ANO2: variants seen among roughly 807,000 people sequenced by gnomAD.
ANO2 encodes anoctamin-2.
Under a neutral mutation model 124.2 loss-of-function variants are expected in ANO2, and 101 were observed. The ratio of observed to expected loss-of-function variants is 0.81; its 90% CI spans 0.69 to 0.96. The LOEUF (loss-of-function observed/expected upper bound fraction) is 0.96. Ranked by LOEUF, ANO2 falls within the 40% of genes least tolerant of loss-of-function variation. The probability of loss-of-function intolerance (pLI) is 0.00; values close to 1 mark genes in which losing one functional copy is unlikely to be tolerated. For synonymous variants in ANO2, 486 were observed against 482.5 expected (o/e 1.01, Z -0.09); for missense variants, 1,293 against 1,274.5 (o/e 1.01, Z -0.22).
At chr12:5,673,993 T>A (rs1948123994) in intron 14 of ANO2, among the ~76,000 whole-genome samples, 1 of 152,206 alleles carries the variant, frequency 6.6e-6, no homozygotes, top group South Asian at 2.1e-4. Flanking sequence ...TCTGGTTCTC[T>A]GAGACCACCC....
At chr12:5,642,253 T>C (rs904410851) in intron 15 of ANO2, among the ~76,000 whole-genome samples, 1 of 152,176 alleles carries the variant, frequency 6.6e-6, no homozygotes, top group Non-Finnish European at 1.5e-5. Context: ...ATTTTCTCTA[T>C]CTACTCTCAT....
intron 1 of ANO2, among the ~76,000 whole-genome samples, chr12:5,940,363 T>C (rs1942847962): frequency 6.6e-6 from 1 of 152,226 alleles, no homozygotes; most frequent in East Asian, 1.9e-4. Context: ...ATTCTTAAAC[T>C]GGTATTATCA....
chr12:5,714,240 C>T (rs1949930740), intron 14 of ANO2, among the ~76,000 whole-genome samples: 1 of 152,214 alleles, frequency 6.6e-6, no homozygotes, highest in East Asian at 1.9e-4. Context: ...TCAATCTCTG[C>T]TTATGTGTCC....
intron 1 of ANO2, among the ~76,000 whole-genome samples, chr12:5,940,525 G>A (rs1942853157): frequency 6.6e-6 from 1 of 152,186 alleles, no homozygotes; most frequent in Admixed American, 6.5e-5. Flanking sequence ...TCCTTCTCCA[G>A]TGACAGGCTT....
At chr12:5,659,134 G>T (rs1299115013) in intron 14 of ANO2, among the ~76,000 whole-genome samples, 1 of 152,104 alleles carries the variant, frequency 6.6e-6, no homozygotes, top group Non-Finnish European at 1.5e-5. Context: ...TGCTGGGTGA[G>T]CTTTCAAGGC....
intron 19 of ANO2, among the ~76,000 whole-genome samples, chr12:5,600,469 G>T (rs12426185): frequency 6.6e-6 from 1 of 151,990 alleles, no homozygotes; most frequent in Non-Finnish European, 1.5e-5. Context: ...CTTTTTTGGT[G>T]TAGAATGATA....
At chr12:5,847,195 A>C (rs1344053857) in intron 4 of ANO2, among the ~76,000 whole-genome samples, 1 of 152,216 alleles carries the variant, frequency 6.6e-6, no homozygotes, top group African/African-American at 2.4e-5. Flanking sequence ...CCCACAGGTA[A>C]GGGGAAACTC....
intron 14 of ANO2, among the ~76,000 whole-genome samples, chr12:5,721,504 T>TTG (rs916562252): frequency 7.1e-6 from 1 of 140,544 alleles, no homozygotes; most frequent in African/African-American, 2.7e-5. Context: ...TTTGGGTTTT[T>TTG]TTTTTTTGTT....
intron 3 of ANO2, among the ~76,000 whole-genome samples, chr12:5,909,268 T>C (rs903777373): frequency 2.0e-5 from 3 of 152,238 alleles, no homozygotes; most frequent in African/African-American, 7.2e-5. Flanking sequence ...CAACAAGTAC[T>C]TACTGGCAGG....
chr12:5,870,640 T>C (rs1955549405), intron 3 of ANO2, among the ~76,000 whole-genome samples: 1 of 152,202 alleles, frequency 6.6e-6, no homozygotes, highest in Non-Finnish European at 1.5e-5. Context: ...TCACAGAGAT[T>C]TCCACCATCT....
chr12:5,565,153 G>A (rs1005892919), intron 24 of ANO2, among the ~76,000 whole-genome samples: 1 of 152,160 alleles, frequency 6.6e-6, no homozygotes, highest in African/African-American at 2.4e-5. Context: ...AGCCCAGAGT[G>A]CAAGAAGAAA....
intron 14 of ANO2, among the ~76,000 whole-genome samples, chr12:5,718,446 C>A (rs1950100060): frequency 6.6e-6 from 1 of 152,182 alleles, no homozygotes. Context: ...TGTCACTTCC[C>A]AAAAACGTAG....
chr12:5,754,839 A>G (rs947852836), intron 10 of ANO2, among the ~76,000 whole-genome samples: 1 of 152,102 alleles, frequency 6.6e-6, no homozygotes, highest in Admixed American at 6.5e-5. Flanking sequence ...TAGTCTAACT[A>G]AGGATTCGTC....
intron 3 of ANO2, among the ~76,000 whole-genome samples, chr12:5,876,106 C>T (rs1938080052): frequency 6.6e-6 from 1 of 152,208 alleles, no homozygotes; most frequent in Non-Finnish European, 1.5e-5. Flanking sequence ...AAGCATCCCC[C>T]TCAGTCTGCT....
At chr12:5,823,717 G>A (rs767318919) in intron 7 of ANO2, among the ~76,000 whole-genome samples, 1 of 152,224 alleles carries the variant, frequency 6.6e-6, no homozygotes, top group Non-Finnish European at 1.5e-5. Flanking sequence ...CCACTAGGCA[G>A]TGCCCCAGTA....
intron 4 of ANO2, among the ~76,000 whole-genome samples, chr12:5,853,528 T>A (rs1280394692): frequency 6.6e-6 from 1 of 151,966 alleles, no homozygotes; most frequent in African/African-American, 2.4e-5. Context: ...GTGATCTTAA[T>A]CAATTCACCT....
intron 20 of ANO2, among the ~76,000 whole-genome samples, chr12:5,591,244 C>T (rs1943381191): frequency 6.6e-6 from 1 of 152,126 alleles, no homozygotes; most frequent in Non-Finnish European, 1.5e-5. Flanking sequence ...GAGTGATTGC[C>T]CAGTATCCCA....
At chr12:5,850,184 G>A (rs1276586021) in intron 4 of ANO2, among the ~76,000 whole-genome samples, 1 of 151,994 alleles carries the variant, frequency 6.6e-6, no homozygotes, top group East Asian at 1.9e-4. Flanking sequence ...GGGAGGCTGA[G>A]GCAGATGGAT....
chr12:5,930,460 C>T (rs1456548705), intron 1 of ANO2, among the ~76,000 whole-genome samples: 1 of 152,060 alleles, frequency 6.6e-6, no homozygotes, highest in Non-Finnish European at 1.5e-5. Context: ...CGGGTAGGTG[C>T]GGACTCGATC....
Sources: allele counts gnomAD v4.1 joint callset (sites outside exome capture counted in the v4.1 genomes callset), GRCh38; gene constraint gnomAD v4.1.1; transcripts MANE v1.5; gene names NCBI Gene and HGNC (gene_info 2026-07-23, HGNC 2026-07-21).